Variants in DTNB observed in about 807,000 individuals in gnomAD.
DTNB encodes the protein DTN-B.
In DTNB, 63 loss-of-function variants were observed where a neutral mutation model predicts 90.7. That is an observed-to-expected ratio of 0.69 (90% confidence interval 0.57 to 0.86). The LOEUF is 0.86. DTNB is among the 40% of genes least tolerant of loss of function. The pLI is 0.00. For missense variants in DTNB, 744 were observed against 807.1 expected (o/e 0.92, Z 0.95); for synonymous variants, 277 against 286.7 (o/e 0.97, Z 0.34).
At chr2:25,448,436 T>C (rs2058745893) in intron 12 of DTNB, among the ~76,000 whole-genome samples, 1 of 152,250 alleles carries the variant, frequency 6.6e-6, no homozygotes, top group African/African-American at 2.4e-5. Flanking sequence ...CATTTTATTA[T>C]GAATATTTCA....
At chr2:25,633,367 T>C in intron 3 of DTNB, among the ~76,000 whole-genome samples, 1 of 152,162 alleles carries the variant, frequency 6.6e-6, no homozygotes, top group East Asian at 1.9e-4. Flanking sequence ...GGTTTCGCTG[T>C]GTTGGCCGGG....
intron 10 of DTNB, among the ~76,000 whole-genome samples, chr2:25,473,943 G>T (rs1020573537): frequency 3.3e-5 from 5 of 152,226 alleles, no homozygotes; most frequent in African/African-American, 1.2e-4. Flanking sequence ...GATGGTCTAT[G>T]ACGGATGTGA....
At chr2:25,416,849 G>GAA (rs750410224) in intron 16 of DTNB, among the ~76,000 whole-genome samples, 1 of 151,034 alleles carries the variant, frequency 6.6e-6, no homozygotes, top group African/African-American at 2.5e-5. Context: ...AGGAAGGAAG[G>GAA]GTGGTTGGGT....
intron 1 of DTNB, among the ~76,000 whole-genome samples, chr2:25,653,888 GCTGT>G (rs1436101572): frequency 1.3e-5 from 2 of 152,066 alleles, no homozygotes; most frequent in African/African-American, 4.8e-5. Context: ...TCGTTCACCT[GCTGT>G]CTTAGACCTT....
intron 8 of DTNB, chr2:25,558,435 T>C: frequency 1.0e-6 from 1 of 984,342 alleles, no homozygotes; most frequent in East Asian, 1.1e-4. Context: ...AGATCTAAAG[T>C]TGACAAAAGG....
chr2:25,430,709 T>C (rs746443281), intron 14 of DTNB, among the ~76,000 whole-genome samples: 18 of 152,208 alleles, frequency 1.2e-4, no homozygotes, highest in Non-Finnish European at 2.6e-4. Flanking sequence ...GTTCACCCAG[T>C]GGGGAAGGTG....
intron 16 of DTNB, among the ~76,000 whole-genome samples, chr2:25,405,572 T>C (rs1480889441): frequency 6.6e-6 from 1 of 152,002 alleles, no homozygotes; most frequent in Non-Finnish European, 1.5e-5. Flanking sequence ...GTTCTATTTT[T>C]TTTCCACCAC....
At chr2:25,394,627 T>C (rs1171854973) in intron 16 of DTNB, among the ~76,000 whole-genome samples, 3 of 152,122 alleles carry the variant, frequency 2.0e-5, no homozygotes, top group African/African-American at 4.8e-5. Flanking sequence ...AACAAGTATA[T>C]GGAAAAATGC....
intron 4 of DTNB, among the ~76,000 whole-genome samples, chr2:25,610,861 C>A (rs1037908125): frequency 3.9e-5 from 6 of 152,150 alleles, no homozygotes; most frequent in Admixed American, 6.5e-5. Context: ...AGGTGCACAC[C>A]ACCATGCCCA....
chr2:25,503,623 TAAG>T (rs1468486743), intron 9 of DTNB, among the ~76,000 whole-genome samples: 1 of 151,886 alleles, frequency 6.6e-6, no homozygotes, highest in Non-Finnish European at 1.5e-5. Context: ...AAAATGAAAT[TAAG>T]AAAAGAGGCC....
chr2:25,377,723 C>T (rs185887888), intron 20 of DTNB, among the ~76,000 whole-genome samples, 170 bp from the exon 21 acceptor site: 1 of 152,300 alleles, frequency 6.6e-6, no homozygotes, highest in East Asian at 1.9e-4. Flanking sequence ...GCCATCATTC[C>T]TAAGGGTCAG....
At chr2:25,383,935 C>A (rs1196514074) in intron 18 of DTNB, 46 bp from the exon 19 acceptor site, 1 of 1,613,722 alleles carries the variant, frequency 6.2e-7, no homozygotes, top group Non-Finnish European at 8.5e-7. Flanking sequence ...CGGCACAGGA[C>A]AAGTACAGAA....
chr2:25,394,122 G>A (rs892602928), intron 16 of DTNB, among the ~76,000 whole-genome samples: 1 of 151,962 alleles, frequency 6.6e-6, no homozygotes, highest in Non-Finnish European at 1.5e-5. Flanking sequence ...CTTTGACAAA[G>A]CAAACAAAAA....
intron 8 of DTNB, among the ~76,000 whole-genome samples, chr2:25,536,988 G>C (rs975092339): frequency 3.9e-5 from 6 of 152,190 alleles, no homozygotes; most frequent in Middle Eastern, 3.4e-3. Context: ...TGAACCACCT[G>C]CCTCAGCCTC....
intron 5 of DTNB, among the ~76,000 whole-genome samples, chr2:25,600,686 A>C (rs774155794): frequency 6.6e-6 from 1 of 152,214 alleles, no homozygotes; most frequent in Non-Finnish European, 1.5e-5. Context: ...TTTCAAGTAC[A>C]TTAATATATA....
chr2:25,393,615 A>G (rs537341330), intron 16 of DTNB, among the ~76,000 whole-genome samples: 1 of 152,208 alleles, frequency 6.6e-6, no homozygotes, highest in South Asian at 2.1e-4. Flanking sequence ...CAAATCAAGA[A>G]CTCAACCCCT....
chr2:25,604,493 A>C (rs2066642492), intron 5 of DTNB, among the ~76,000 whole-genome samples: 1 of 151,894 alleles, frequency 6.6e-6, no homozygotes, highest in African/African-American at 2.4e-5. Context: ...TGCAGCCTCG[A>C]ACTTCTAGCC....
chr2:25,555,853 T>A (rs2057252932), intron 8 of DTNB, among the ~76,000 whole-genome samples: 1 of 151,828 alleles, frequency 6.6e-6, no homozygotes, highest in Non-Finnish European at 1.5e-5. Context: ...CCATCTCTAC[T>A]AAAAATACAA....
At chr2:25,535,130 C>T (rs1391845811) in intron 8 of DTNB, among the ~76,000 whole-genome samples, 2 of 147,958 alleles carry the variant, frequency 1.4e-5, no homozygotes, top group Non-Finnish European at 1.5e-5. Context: ...CAGAGGTGCT[C>T]CTCACTTCCC....
Sources: allele counts gnomAD v4.1 joint callset (sites outside exome capture counted in the v4.1 genomes callset), GRCh38; gene constraint gnomAD v4.1.1; transcripts MANE v1.5; gene names NCBI Gene and HGNC (gene_info 2026-07-23, HGNC 2026-07-21).